Variants in MAFF observed in about 807,000 individuals in gnomAD.
The protein encoded by MAFF is transcription factor MafF.
A neutral mutation model predicts 2.7 loss-of-function variants in MAFF; 4 were observed. The observed-to-expected ratio is 1.48, with a 90% CI of 0.73 to 3.39. MAFF has a LOEUF of 3.39. MAFF is among the 30% of genes most tolerant of loss of function. The probability of loss-of-function intolerance (pLI) is 0.01; values close to 1 mark genes in which losing one functional copy is unlikely to be tolerated. For missense variants in MAFF, 190 were observed against 246.6 expected, an observed-to-expected ratio of 0.77 and a Z score of 1.54; for synonymous variants, 113 against 119.4, an observed-to-expected ratio of 0.95 and a Z score of 0.35.
chr22:38,213,605 G>A, intron 1 of MAFF: 1 of 652,702 alleles, frequency 1.5e-6, no homozygotes, highest in Non-Finnish European at 2.8e-6. Flanking sequence ...GAGTCACCAT[G>A]GGGCTAGAAC....
chr22:38,213,089 A>C (rs2091113170), intron 1 of MAFF, among the ~76,000 whole-genome samples: 1 of 150,824 alleles, frequency 6.6e-6, no homozygotes, highest in Non-Finnish European at 1.5e-5. Context: ...AGGCAGGAGA[A>C]TCCCTTGAAC....
intron 1 of MAFF, among the ~76,000 whole-genome samples, chr22:38,212,919 T>G (rs2146021718): frequency 6.6e-6 from 1 of 152,272 alleles, no homozygotes; most frequent in East Asian, 1.9e-4. Flanking sequence ...TCCAGCACTT[T>G]GGGAGGCTGA....
intron 1 of MAFF, among the ~76,000 whole-genome samples, chr22:38,204,503 T>C (rs989163298): frequency 6.6e-6 from 1 of 152,266 alleles, no homozygotes; most frequent in South Asian, 2.1e-4. Flanking sequence ...CTTGGATGTT[T>C]GCTGATTGAA....
At chr22:38,208,797 G>A (rs577409797) in intron 1 of MAFF, among the ~76,000 whole-genome samples, 1 of 152,290 alleles carries the variant, frequency 6.6e-6, no homozygotes, top group East Asian at 1.9e-4. Flanking sequence ...ACCCAGGGCC[G>A]AAGGATGAGT....
intron 1 of MAFF, among the ~76,000 whole-genome samples, chr22:38,205,942 T>C (rs1470445995): frequency 2.0e-5 from 3 of 152,226 alleles, no homozygotes; most frequent in Non-Finnish European, 4.4e-5. Flanking sequence ...GCCTGACTGC[T>C]GAGCTAGGAC....
intron 1 of MAFF, chr22:38,203,641 C>G (rs1184008465): frequency 6.6e-6 from 1 of 152,186 alleles, no homozygotes; most frequent in African/African-American, 2.4e-5. Flanking sequence ...CCCCCTCCAC[C>G]CACCCACCCA....
chr22:38,212,408 G>A (rs56353282), intron 1 of MAFF, among the ~76,000 whole-genome samples: 1 of 152,320 alleles, frequency 6.6e-6, no homozygotes, highest in South Asian at 2.1e-4. Flanking sequence ...TGGCAAAGTA[G>A]ATCCTATCAG....
At chr22:38,207,244 C>T (rs993321158) in intron 1 of MAFF, among the ~76,000 whole-genome samples, 3 of 151,602 alleles carry the variant, frequency 2.0e-5, no homozygotes, top group Admixed American at 1.3e-4. Flanking sequence ...GCCTCAGCCT[C>T]CTGAGTAGTT....
chr22:38,210,263 G>T (rs2091088096), intron 1 of MAFF, among the ~76,000 whole-genome samples: 1 of 152,174 alleles, frequency 6.6e-6, no homozygotes, highest in African/African-American at 2.4e-5. Flanking sequence ...CCCCTGTCAG[G>T]GGATCTCTGC....
At chr22:38,208,693 A>G (rs2091072510) in intron 1 of MAFF, among the ~76,000 whole-genome samples, 2 of 152,152 alleles carry the variant, frequency 1.3e-5, no homozygotes, top group Admixed American at 1.3e-4. Flanking sequence ...TGGTGGAGAG[A>G]CAGCAAGGAA....
At position 38,214,368 on chromosome 22, in the gene MAFF, GC is replaced by G. The variant is rs1184080523; in HGVS notation, c.37-51del. On this transcript the variant is annotated intron_variant, in intron 2 of 2. Coordinates refer to ENST00000338483, the MANE Select transcript of MAFF (RefSeq NM_012323.4). This position sits in a 1 kb window ranked among gnomAD's most constrained non-coding sequence, Gnocchi z 6.3. The stretch of plus-strand genomic sequence containing the variant: ...GTGAAAGAGGAACACCGCGGGTGGA[GC>G]GGGGGGGCCCGTCCCCAGTCCCCTG... 3 of 1,489,840 alleles carry G rather than the reference GC, an allele frequency of 2.0e-6. No homozygotes were observed. Among genetic ancestry groups the G allele is most frequent in the African/African-American group, 2.8e-5 (2 of 71,514 alleles). 92.3% of individuals were successfully genotyped at this position (1,489,840 alleles called of 1,614,324 possible). A position where few individuals can be genotyped will look rare whatever the true frequency, so the allele number is the denominator to read the frequency against.
Position 38,215,002 on chromosome 22 carries a change from A to G in MAFF, c.*124A>G, listed in dbSNP as rs867220769. 2.7e-6 allele frequency: 2 copies of G among 741,580 alleles called. No individual in the cohort carries two copies. The highest frequency in any genetic ancestry group is 4.6e-6 in the Non-Finnish European group (2 of 438,738). The allele number at this position is 741,580 out of a possible 1,614,324, so 45.9% of individuals were successfully genotyped here. On this transcript the variant is annotated 3_prime_UTR_variant, in exon 3 of 3. Transcript: ENST00000338483. ...AGCACTGGCCCCTTGGTGCACACAC[A>G]TTCCCTTCGTGGGCCCTGTCTTCCT...
rs554022913 is a variant in MAFF, at chr22:38,211,388, G to A, written c.-31-2435G>A. The stretch of plus-strand genomic sequence containing the variant: ...ACTACAGGCACGTGCCACCACGCCC[G>A]GCTAATTTTCGTATTTTTAGTAGAG... On this transcript the variant is annotated intron_variant, in intron 1 of 2. Coordinates refer to ENST00000338483, the MANE Select transcript of MAFF (RefSeq NM_012323.4). Among the ~76,000 whole-genome samples the A allele has an allele frequency of 3.0e-4, 46 of 152,142 alleles. 1 individual carries two copies. Among genetic ancestry groups the A allele is most frequent in the African/African-American group, 9.6e-4 (40 of 41,508 alleles).
intron 1 of MAFF, among the ~76,000 whole-genome samples, chr22:38,207,541 G>A (rs1282638354): frequency 1.4e-5 from 2 of 138,728 alleles, no homozygotes; most frequent in South Asian, 2.4e-4. Context: ...CCGGGTTCAC[G>A]CCATTCTCCT....
At chr22:38,212,685 G>A (rs185532466) in intron 1 of MAFF, among the ~76,000 whole-genome samples, 3 of 152,292 alleles carry the variant, frequency 2.0e-5, no homozygotes, top group Non-Finnish European at 2.9e-5. Context: ...GAGTTAGTAT[G>A]GGGCAGCCCC....
At chr22:38,206,457 T>G (rs2091052849) in intron 1 of MAFF, among the ~76,000 whole-genome samples, 2 of 150,734 alleles carry the variant, frequency 1.3e-5, no homozygotes, top group South Asian at 4.3e-4. Flanking sequence ...TTCTTCTGCC[T>G]CAGCCTCCCA....
intron 1 of MAFF, among the ~76,000 whole-genome samples, chr22:38,206,779 C>T (rs569276734): frequency 1.3e-3 from 200 of 152,302 alleles, no homozygotes; most frequent in African/African-American, 4.5e-3. Flanking sequence ...CTGTATCAGC[C>T]GCAACACCCA....
intron 1 of MAFF, among the ~76,000 whole-genome samples, chr22:38,206,500 C>T (rs1182756318): frequency 1.4e-5 from 2 of 143,004 alleles, no homozygotes; most frequent in African/African-American, 5.4e-5. Context: ...CGCCACCACA[C>T]CTGGCTAATT....
chr22:38,204,443 C>G (rs1270325736), intron 1 of MAFF, among the ~76,000 whole-genome samples: 1 of 152,170 alleles, frequency 6.6e-6, no homozygotes, highest in African/African-American at 2.4e-5. Flanking sequence ...CTGTGATTCA[C>G]TTCAGGGTCT....
Sources: allele counts gnomAD v4.1 joint callset (sites outside exome capture counted in the v4.1 genomes callset), GRCh38; gene constraint gnomAD v4.1.1; non-coding constraint Gnocchi (gnomAD v3.1); transcripts MANE v1.5; gene names NCBI Gene and HGNC (gene_info 2026-07-23, HGNC 2026-07-21).